Variants in BMERB1 observed in about 807,000 individuals in gnomAD.
BMERB1 encodes bMERB domain containing 1.
In BMERB1, 12 loss-of-function variants were observed where a neutral mutation model predicts 23.6. The observed-to-expected ratio is 0.51, with a 90% CI of 0.33 to 0.82. BMERB1 has a LOEUF of 0.82. BMERB1 is among the 40% of genes least tolerant of loss of function. The pLI is 0.03. For synonymous variants in BMERB1, 122 were observed against 96.6 expected, an observed-to-expected ratio of 1.26 and a Z score of -1.54; for missense variants, 247 against 255.4, an observed-to-expected ratio of 0.97 and a Z score of 0.22.
intron 1 of BMERB1, among the ~76,000 whole-genome samples, chr16:15,463,270 T>TATATATATATATATATATATATATATATA (rs2051152108): frequency 1.3e-5 from 2 of 151,466 alleles, no homozygotes; most frequent in African/African-American, 4.9e-5. Flanking sequence ...TATATATATA[T>TATATATATATATATATATATATATATATA]TTTGTAGAGG....
chr16:15,547,043 C>T (rs1236417443), intron 2 of BMERB1, among the ~76,000 whole-genome samples: 7 of 147,592 alleles, frequency 4.7e-5, no homozygotes, highest in South Asian at 4.3e-4. Context: ...GACAGAGTCT[C>T]GCTCTGTCGC....
intron 1 of BMERB1, among the ~76,000 whole-genome samples, chr16:15,512,255 C>G (rs1274211286): frequency 6.6e-6 from 1 of 152,094 alleles, no homozygotes; most frequent in Non-Finnish European, 1.5e-5. Flanking sequence ...CTGAACAACT[C>G]AGGGCCGGGA....
At chr16:15,474,608 G>A (rs2051259955) in intron 1 of BMERB1, among the ~76,000 whole-genome samples, 1 of 152,088 alleles carries the variant, frequency 6.6e-6, no homozygotes, top group Non-Finnish European at 1.5e-5. Context: ...TTGAACTCCT[G>A]GCCTCAAACG....
chr16:15,558,975 C>A (rs1339642006), intron 2 of BMERB1, among the ~76,000 whole-genome samples: 1 of 151,302 alleles, frequency 6.6e-6, no homozygotes, highest in Non-Finnish European at 1.5e-5. Flanking sequence ...GCCCACCAAA[C>A]TTAACTTGCC....
At chr16:15,468,469 T>C (rs1012044812) in intron 1 of BMERB1, among the ~76,000 whole-genome samples, 5 of 152,084 alleles carry the variant, frequency 3.3e-5, no homozygotes. Context: ...TCAATCAGAC[T>C]TAAAGAGTCT....
intron 2 of BMERB1, among the ~76,000 whole-genome samples, chr16:15,545,641 A>G (rs547910134): frequency 2.0e-5 from 3 of 152,272 alleles, no homozygotes; most frequent in East Asian, 3.9e-4. Context: ...CACAGGACCA[A>G]TCTGGCCAGG....
intron 1 of BMERB1, among the ~76,000 whole-genome samples, chr16:15,490,377 G>T (rs542866746): frequency 1.1e-3 from 166 of 152,252 alleles, no homozygotes; most frequent in Non-Finnish European, 1.8e-3. Context: ...TTAACTCCTA[G>T]GCTCAAGTGA....
intron 1 of BMERB1, among the ~76,000 whole-genome samples, chr16:15,462,611 A>T (rs749230688): frequency 1.2e-4 from 18 of 152,074 alleles, no homozygotes; most frequent in Non-Finnish European, 1.5e-5. Context: ...GAGGCCGGAG[A>T]GGGGAGTGAC....
chr16:15,565,587 G>A lies in BMERB1; in HGVS notation c.231-2396G>A, dbSNP rs555763540. 4.4e-4 allele frequency among the ~76,000 whole-genome samples: 67 copies of A among 152,298 alleles called. 1 individual carries two copies. In the South Asian group the frequency reaches 8.5e-3, roughly 19 times the overall value. On this transcript the variant is annotated intron_variant, in intron 2 of 5. Coordinates refer to ENST00000300006, the MANE Select transcript of BMERB1 (RefSeq NM_033201.3). ...GTGCAGGCCAGGTACAGTGGCTCAC[G>A]CCTGTAATCCCAGCACTTTGGAAGG...
At chr16:15,502,723 CTT>C (rs1481564168) in intron 1 of BMERB1, among the ~76,000 whole-genome samples, 2 of 152,226 alleles carry the variant, frequency 1.3e-5, no homozygotes, top group East Asian at 1.9e-4. Flanking sequence ...TCAAGACTCT[CTT>C]TTGGGTCAAT....
At chr16:15,526,822 TA>T (rs898247810) in intron 2 of BMERB1, among the ~76,000 whole-genome samples, 6 of 150,742 alleles carry the variant, frequency 4.0e-5, no homozygotes, top group African/African-American at 1.5e-4. Context: ...CGGGGCCGTC[TA>T]AAAGTCACAC....
chr16:15,519,813 A>G (rs1486952184), intron 2 of BMERB1, among the ~76,000 whole-genome samples: 1 of 152,112 alleles, frequency 6.6e-6, no homozygotes, highest in Non-Finnish European at 1.5e-5. Context: ...CCTTTCCCCC[A>G]AGATCCACAG....
intron 2 of BMERB1, among the ~76,000 whole-genome samples, chr16:15,565,670 G>A (rs1271645804): frequency 1.3e-5 from 2 of 152,102 alleles, no homozygotes; most frequent in African/African-American, 4.8e-5. Flanking sequence ...TAAACAGCAA[G>A]ACCCCATCTC....
chr16:15,569,215 C>CA (rs946643620), intron 3 of BMERB1, among the ~76,000 whole-genome samples: 47 of 150,456 alleles, frequency 3.1e-4, no homozygotes, highest in Non-Finnish European at 5.5e-4. Context: ...GACTCCGACT[C>CA]AAAAAAAAGA....
chr16:15,575,586 C>G (rs773556194), intron 3 of BMERB1, among the ~76,000 whole-genome samples: 4 of 152,066 alleles, frequency 2.6e-5, no homozygotes, highest in Non-Finnish European at 5.9e-5. Flanking sequence ...AAAATGCACA[C>G]ACAAACAAAA....
At chr16:15,467,647 G>A (rs2051192168) in intron 1 of BMERB1, among the ~76,000 whole-genome samples, 1 of 152,098 alleles carries the variant, frequency 6.6e-6, no homozygotes. Flanking sequence ...TCCGTAGCTT[G>A]TTTTTTCACT....
At chr16:15,488,949 A>C (rs1316020275) in intron 1 of BMERB1, among the ~76,000 whole-genome samples, 10 of 149,684 alleles carry the variant, frequency 6.7e-5, no homozygotes, top group Admixed American at 6.0e-4. Flanking sequence ...GGGTTTCTAC[A>C]CTCTAGGGGT....
intron 1 of BMERB1, among the ~76,000 whole-genome samples, chr16:15,510,530 T>C (rs2051651447): frequency 1.3e-5 from 2 of 152,022 alleles, no homozygotes; most frequent in African/African-American, 2.4e-5. Flanking sequence ...ACATCTGTTT[T>C]GGGTGGTGGG....
intron 2 of BMERB1, among the ~76,000 whole-genome samples, chr16:15,546,190 A>T (rs2029905071): frequency 6.6e-6 from 1 of 152,194 alleles, no homozygotes; most frequent in African/African-American, 2.4e-5. Context: ...CAGGAGGCTG[A>T]GGCAGGAGGA....
Sources: allele counts gnomAD v4.1 joint callset (sites outside exome capture counted in the v4.1 genomes callset), GRCh38; gene constraint gnomAD v4.1.1; transcripts MANE v1.5; gene names NCBI Gene and HGNC (gene_info 2026-07-23, HGNC 2026-07-21).